TMEM87A: variants seen among roughly 807,000 people sequenced by gnomAD.
The protein encoded by TMEM87A is Golgi-pH regulating cation channel.
TMEM87A carries 50 observed loss-of-function variants against 90.0 expected under a neutral mutation model. The ratio of observed to expected loss-of-function variants is 0.56; its 90% CI spans 0.44 to 0.70. The LOEUF (loss-of-function observed/expected upper bound fraction) is 0.70. Among genes scored for constraint, TMEM87A ranks in the 30% least tolerant of loss-of-function variants. TMEM87A has a pLI of 0.00. For synonymous variants in TMEM87A, 226 were observed against 226.7 expected, an observed-to-expected ratio of 1.00 and a Z score of 0.03; for missense variants, 577 against 660.5, an observed-to-expected ratio of 0.87 and a Z score of 1.39.
intron 15 of TMEM87A, among the ~76,000 whole-genome samples, chr15:42,225,682 C>G (rs1400613581): frequency 6.6e-6 from 1 of 152,116 alleles, no homozygotes; most frequent in Non-Finnish European, 1.5e-5. Context: ...GAGGTGTGCA[C>G]TGCCATGCTC....
chr15:42,259,325 G>A (rs1017942745), intron 6 of TMEM87A, among the ~76,000 whole-genome samples: 5 of 152,090 alleles, frequency 3.3e-5, no homozygotes, highest in Admixed American at 6.5e-5. Flanking sequence ...GTTTCACCAC[G>A]TTGGCCAGGC....
intron 6 of TMEM87A, among the ~76,000 whole-genome samples, chr15:42,256,339 T>C (rs752016175): frequency 6.6e-6 from 1 of 151,792 alleles, no homozygotes; most frequent in Non-Finnish European, 1.5e-5. Flanking sequence ...TAGGGTTTTG[T>C]CATGTTGACC....
At chr15:42,232,181 A>G (rs539435819) in intron 11 of TMEM87A, among the ~76,000 whole-genome samples, 1 of 152,326 alleles carries the variant, frequency 6.6e-6, no homozygotes, top group Admixed American at 6.5e-5. Context: ...GAAATGGCCT[A>G]GAGAACCTTA....
intron 6 of TMEM87A, among the ~76,000 whole-genome samples, chr15:42,255,141 G>GC (rs1343907115): frequency 6.7e-6 from 1 of 149,826 alleles, no homozygotes; most frequent in African/African-American, 2.5e-5. Context: ...TGGGGGTTTT[G>GC]TTTTTTTTTA....
intron 5 of TMEM87A, 64 bp downstream of exon 5, chr15:42,261,131 CG>C (rs1230718707): frequency 1.3e-6 from 2 of 1,566,124 alleles, no homozygotes; most frequent in South Asian, 1.1e-5. Flanking sequence ...GCAGTGAGCA[CG>C]GGTATCTCCT....
At chr15:42,214,609 A>G (rs1325553027) in intron 19 of TMEM87A, among the ~76,000 whole-genome samples, 1 of 152,218 alleles carries the variant, frequency 6.6e-6, no homozygotes, top group East Asian at 1.9e-4. Flanking sequence ...ATGGTGCTGG[A>G]AAAACTAGAT....
intron 6 of TMEM87A, chr15:42,259,061 A>C (rs2051236917): frequency 1.4e-6 from 1 of 701,174 alleles, no homozygotes; most frequent in Non-Finnish European, 2.6e-6. Context: ...AAGCTCCTTA[A>C]AACCAAAGTC....
chr15:42,266,523 A>AC (rs2051408409), intron 3 of TMEM87A, among the ~76,000 whole-genome samples: 2 of 151,762 alleles, frequency 1.3e-5, no homozygotes, highest in Non-Finnish European at 2.9e-5. Flanking sequence ...CTCAAAAAAA[A>AC]AAAAACTATT....
chr15:42,257,591 T>A (rs538145984), intron 6 of TMEM87A, among the ~76,000 whole-genome samples: 79 of 152,346 alleles, frequency 5.2e-4, no homozygotes, highest in Middle Eastern at 3.4e-3. Context: ...GGCCATAAAT[T>A]GCTATGAAAA....
rs776753269 is a variant in TMEM87A, at chr15:42,239,677, A to G, written c.677T>C (p.Leu226Ser). The G allele has an allele frequency of 3.8e-5, 62 of 1,613,386 alleles. No homozygotes were observed. The highest frequency in any genetic ancestry group is 5.3e-5 in the African/African-American group (4 of 74,898). The change falls in exon 8 of 20, where the codon TTG (leucine) becomes TCG (serine). Residue 226 changes from leucine (L) to serine (S), a missense_variant. By Grantham distance (145) the Leu-to-Ser change is moderately radical. Transcript: ENST00000389834. ...TAATATAAAGTCACTTACAATCATC[A>G]AGGGATAGTCTTCAAGTGTGAGGTA... ...YEYLTLEDYP[L>S]MIFFMVMCIV... is the part of the protein sequence containing the mutation.
At chr15:42,264,327 G>T in intron 3 of TMEM87A, 124 bp from the exon 4 acceptor site, 1 of 631,656 alleles carries the variant, frequency 1.6e-6, no homozygotes, top group Non-Finnish European at 2.8e-6. Flanking sequence ...TTTTAAAAAT[G>T]AACAGCATCA....
chr15:42,229,971 G>A (rs2050660590), intron 12 of TMEM87A, among the ~76,000 whole-genome samples: 1 of 152,152 alleles, frequency 6.6e-6, no homozygotes, highest in Non-Finnish European at 1.5e-5. Context: ...GACTACAGGT[G>A]CAAGCCACAA....
Position 42,267,126 on chromosome 15 carries a change from G to A in TMEM87A, c.291+821C>T, listed in dbSNP as rs997082182. Among the ~76,000 whole-genome samples the A allele has an allele frequency of 2.6e-5, 4 of 152,198 alleles. No individual in the cohort carries two copies. The South Asian group carries it at 8.3e-4, about 32-fold the overall frequency. ...AAACTTAAGAACCTACTGATGAGATGAAGAGGGCAGGGTATAGTTATAAAC... is the reference window on the plus strand; with the variant it reads ...AAACTTAAGAACCTACTGATGAGATAAAGAGGGCAGGGTATAGTTATAAAC... On this transcript the variant is annotated intron_variant, in intron 3 of 19. Coordinates refer to ENST00000389834, the MANE Select transcript of TMEM87A (RefSeq NM_015497.5).
At position 42,231,248 on chromosome 15, in the gene TMEM87A, G is replaced by C. The variant is rs748438767; in HGVS notation, c.1075C>G (p.Leu359Val). 2 of 1,589,814 alleles carry C rather than the reference G, an allele frequency of 1.3e-6. No homozygotes were observed. The highest frequency in any genetic ancestry group is 1.7e-6 in the Non-Finnish European group (2 of 1,170,166). Reference protein sequence around the residue: ...VLRVTGAQTDLASLAFIPLAF... With the variant: ...VLRVTGAQTDVASLAFIPLAF... ...AAGGGGATAAAGGCCAAGGAAGCAA[G>C]ATCAGTCTGGGCCTGCAGACAAAGA... Residue 359 changes from leucine (L) to valine (V), a missense_variant, in exon 12 of 20, where the codon CTT (leucine) becomes GTT (valine). By Grantham distance (32) the Leu-to-Val change is conservative. Transcript: ENST00000389834.
intron 4 of TMEM87A, 137 bp downstream of exon 4, chr15:42,263,953 T>G (rs2051346844): frequency 1.6e-6 from 1 of 643,828 alleles, no homozygotes. Context: ...AGTGGCTGAC[T>G]ATGTACCTAT....
intron 15 of TMEM87A, among the ~76,000 whole-genome samples, chr15:42,221,860 C>T (rs1225650510): frequency 6.6e-6 from 1 of 152,158 alleles, no homozygotes; most frequent in African/African-American, 2.4e-5. Context: ...AAGTGATCCT[C>T]CCACCTCAGC....
At chr15:42,247,308 A>G (rs2050996175) in intron 6 of TMEM87A, among the ~76,000 whole-genome samples, 1 of 152,180 alleles carries the variant, frequency 6.6e-6, no homozygotes, top group Non-Finnish European at 1.5e-5. Flanking sequence ...TGATTTATCT[A>G]TTCTGGCTTT....
chr15:42,232,996 GA>G (rs922880101), intron 11 of TMEM87A: 47 of 311,806 alleles, frequency 1.5e-4, no homozygotes, highest in African/African-American at 9.8e-4. Context: ...GCAATTTGGA[GA>G]CAGGTGGAAA....
intron 7 of TMEM87A, among the ~76,000 whole-genome samples, chr15:42,241,968 G>A (rs571744384): frequency 6.6e-6 from 1 of 151,308 alleles, no homozygotes; most frequent in South Asian, 2.1e-4. Context: ...TTGGGAGGCT[G>A]AGGCAGCAGA....
Sources: gnomAD v4.1 joint callset for allele counts (sites outside exome capture counted in the v4.1 genomes callset) on GRCh38, gnomAD v4.1.1 for gene constraint, MANE v1.5 for transcripts, NCBI Gene and HGNC (gene_info 2026-07-23, HGNC 2026-07-21) for gene names.